The following SLX9 variants were observed in gnomAD, a reference collection of about 807,000 sequenced individuals.
SLX9 encodes the protein SLX9 ribosome biogenesis factor.
SLX9 carries 19 observed loss-of-function variants against 20.8 expected under a neutral mutation model. The ratio of observed to expected loss-of-function variants is 0.91; its 90% CI spans 0.64 to 1.34. SLX9 has a LOEUF of 1.34. Ranked by LOEUF, SLX9 falls within the 40% of genes most tolerant of loss-of-function variation. The pLI, the probability that SLX9 is intolerant of heterozygous loss-of-function variation, is 0.00. For synonymous variants in SLX9, 113 were observed against 137.1 expected, an observed-to-expected ratio of 0.82 and a Z score of 1.23; for missense variants, 299 against 322.2, an observed-to-expected ratio of 0.93 and a Z score of 0.55.
At chr21:44,959,634 G>A (rs958214108) in intron 2 of SLX9, among the ~76,000 whole-genome samples, 2 of 152,214 alleles carry the variant, frequency 1.3e-5, no homozygotes, top group Non-Finnish European at 2.9e-5. Context: ...GCACATTGTC[G>A]GGCCTGGCAG....
At chr21:44,939,784 C>A, upstream of SLX9, 1 of 550,854 alleles carries the variant, frequency 1.8e-6, no homozygotes, top group South Asian at 1.7e-5. Context: ...GACGCAACCC[C>A]GGGCTTGGGT....
chr21:44,947,541 G>A (rs940504597), intron 2 of SLX9, among the ~76,000 whole-genome samples: 2 of 133,340 alleles, frequency 1.5e-5, no homozygotes, highest in Admixed American at 7.1e-5. Context: ...TCGTGGCATC[G>A]TTCCTATCCT....
At position 44,940,161 on chromosome 21, in the gene SLX9, C is replaced by T. The variant is rs4818742; in HGVS notation, c.104C>T (p.Pro35Leu). The T allele has an allele frequency of 0.05, 64,490 of 1,278,424 alleles. 1,886 individuals carry two copies. The highest frequency in any genetic ancestry group is 0.14 in the Admixed American group (3,260 of 23,800). 79.2% of individuals were successfully genotyped at this position (1,278,424 alleles called of 1,614,324 possible). The change falls in exon 1 of 6, where the codon CCT becomes CTT. Residue 35 changes from proline to leucine, a missense_variant. Physicochemically the swap from Pro to Leu is moderately conservative, Grantham distance 98. Transcript: ENST00000291634. The stretch of plus-strand genomic sequence containing the variant: ...GCGCCCCCTGCCCCGGAGGCGACCC[C>T]TCCGCCGGCCTCGGCCGCGGGGAAG... ...GPAPPAPEAT[P>L]PPASAAGKDW...
intron 5 of SLX9, among the ~76,000 whole-genome samples, chr21:44,974,509 G>C: frequency 6.6e-6 from 1 of 151,984 alleles, no homozygotes; most frequent in African/African-American, 2.4e-5. Flanking sequence ...CACTTTGTAG[G>C]GTCTAGGTGA....
At chr21:44,946,417 T>C (rs1156703933) in intron 2 of SLX9, among the ~76,000 whole-genome samples, 1 of 150,250 alleles carries the variant, frequency 6.7e-6, no homozygotes, top group African/African-American at 2.5e-5. Context: ...TAGCCCGCCT[T>C]GAGGGGCACG....
rs115351149 is a variant in SLX9, at chr21:44,955,735, C to T, written c.284-4365C>T. On this transcript the variant is annotated intron_variant, in intron 2 of 5. Coordinates refer to ENST00000291634, the MANE Select transcript of SLX9 (RefSeq NM_058190.4). ...CTGCCCCTGCTGCTTCCCTGGGCTG[C>T]GTTCTAAGGCAGCCTTACATCACGG... Among the ~76,000 whole-genome samples the T allele has an allele frequency of 3.0e-3, 455 of 152,298 alleles. 4 individuals are homozygous for T. The highest frequency in any genetic ancestry group is 0.011 in the African/African-American group (441 of 41,556).
In SLX9 at chr21:44,940,129, C is replaced by G. The variant is rs1477236731; in HGVS notation, c.72C>G (p.Pro24=). Residue 24 remains proline, a synonymous_variant, in exon 1 of 6, where the codon CCC becomes CCG. Transcript: ENST00000291634. ...TGAGGCCGAAAGGGGAGGCCGCCCC[C>G]GGCCCCGCGCCCCCTGCCCCGGAGG... The part of the protein sequence containing the change: ...AAVRPKGEAA[P]GPAPPAPEAT... The G allele has an allele frequency of 3.7e-6, 5 of 1,358,008 alleles. No homozygotes were observed. The highest frequency in any genetic ancestry group is 3.1e-5 in the East Asian group (1 of 32,152). The allele number at this position is 1,358,008 out of a possible 1,614,324, so 84.1% of individuals were successfully genotyped here.
At chr21:44,965,701 A>C (rs1422787721) in intron 3 of SLX9, among the ~76,000 whole-genome samples, 3 of 152,154 alleles carry the variant, frequency 2.0e-5, no homozygotes, top group African/African-American at 7.2e-5. Flanking sequence ...CTGCTTGGGC[A>C]CAAGGTATCC....
chr21:44,960,592 T>C (rs2084935004), intron 3 of SLX9, among the ~76,000 whole-genome samples: 1 of 152,262 alleles, frequency 6.6e-6, no homozygotes, highest in African/African-American at 2.4e-5. Flanking sequence ...CAGAAGTGCC[T>C]GCAGTGGTAT....
chr21:44,951,470 G>A (rs996327627), intron 2 of SLX9, among the ~76,000 whole-genome samples: 21 of 152,114 alleles, frequency 1.4e-4, no homozygotes, highest in Admixed American at 2.0e-4. Flanking sequence ...CGCACGGGGC[G>A]AACGGCCGCG....
At chr21:44,976,617 G>A (rs1398402740) in intron 5 of SLX9, 63 bp from the exon 6 acceptor site, 10 of 1,539,400 alleles carry the variant, frequency 6.5e-6, no homozygotes, top group Non-Finnish European at 7.9e-6. Flanking sequence ...ACGTTTCCGG[G>A]TGTTGAGGGG....
intron 2 of SLX9, among the ~76,000 whole-genome samples, chr21:44,946,452 C>G (rs184563775): frequency 6.6e-6 from 1 of 152,166 alleles, no homozygotes; most frequent in Non-Finnish European, 1.5e-5. Context: ...TTGAGCCGTG[C>G]GGCAGGGTCA....
Position 44,940,206 on chromosome 21 carries a change from G to C in SLX9, c.129+20G>C, listed in dbSNP as rs2084513723. On this transcript the variant is annotated intron_variant, in intron 1 of 5. Coordinates refer to ENST00000291634, the MANE Select transcript of SLX9 (RefSeq NM_058190.4). Reference sequence around the variant, plus strand: ...GGGAAGGTGAGCTGGGGAGGCGCTGGCCGGGGGCTGCCGCGTGGGTCCGAG... The same window carrying C: ...GGGAAGGTGAGCTGGGGAGGCGCTGCCCGGGGGCTGCCGCGTGGGTCCGAG... 8.2e-7 allele frequency: 1 copy of C among 1,223,220 alleles called. No individual in the cohort carries two copies. Among genetic ancestry groups the C allele is most frequent in the Non-Finnish European group, 1.0e-6 (1 of 979,514 alleles). The allele number at this position is 1,223,220 out of a possible 1,614,324, so 75.8% of individuals were successfully genotyped here.
rs904316888 is a variant in SLX9 at position 44,959,170 on chromosome 21, G to A, written c.284-930G>A. On this transcript the variant is annotated intron_variant, in intron 2 of 5. Transcript: ENST00000291634. ...TGAAGTGAAGTCTGAAATGCAGAGC[G>A]CAGCGACTGCCTTTCTCCAGGCAGG... The A allele has an allele frequency of 3.8e-5, 37 of 979,284 alleles. No homozygotes were observed. In the East Asian group the frequency reaches 8.0e-4, roughly 21 times the overall value. 60.7% of individuals were successfully genotyped at this position (979,284 alleles called of 1,614,324 possible). A position where few individuals can be genotyped will look rare whatever the true frequency, so the allele number is the denominator to read the frequency against.
rs140978503 is a variant in SLX9 at position 44,959,048 on chromosome 21, A to G, written c.284-1052A>G. Among the ~76,000 whole-genome samples the G allele has an allele frequency of 4.3e-4, 66 of 152,270 alleles. 3 individuals are homozygous for G. In the East Asian group the frequency reaches 0.013, roughly 29 times the overall value. ...GTCGGGAGGGAGAGGTTGGGATGCT[A>G]TGGAGGAAAGTAGGTCAACCCAGGC... On this transcript the variant is annotated intron_variant, in intron 2 of 5. Transcript: ENST00000291634.
chr21:44,962,737 C>T (rs1601406864), intron 3 of SLX9, among the ~76,000 whole-genome samples: 2 of 152,274 alleles, frequency 1.3e-5, no homozygotes, highest in South Asian at 4.1e-4. Flanking sequence ...TTATAAGCAG[C>T]TGCCAGACGC....
intron 1 of SLX9, 95 bp downstream of exon 1, chr21:44,940,281 C>T: frequency 5.9e-6 from 7 of 1,186,922 alleles, no homozygotes; most frequent in Non-Finnish European, 7.3e-6. Context: ...GCGACCCCGG[C>T]CTTCCCTCGG....
chr21:44,949,797 C>T (rs1436870061), intron 2 of SLX9, among the ~76,000 whole-genome samples: 5 of 152,216 alleles, frequency 3.3e-5, no homozygotes, highest in Admixed American at 3.3e-4. Context: ...CTGGCTCTCC[C>T]GGTCAGCACA....
chr21:44,956,147 A>G (rs1199171486), intron 2 of SLX9, among the ~76,000 whole-genome samples: 3 of 152,158 alleles, frequency 2.0e-5, no homozygotes, highest in East Asian at 3.9e-4. Context: ...TGAAAAAGCT[A>G]TGTAGGAAGG....
Sources: gnomAD v4.1 joint callset for allele counts (sites outside exome capture counted in the v4.1 genomes callset) on GRCh38, gnomAD v4.1.1 for gene constraint, MANE v1.5 for transcripts, NCBI Gene and HGNC (gene_info 2026-07-23, HGNC 2026-07-21) for gene names.